The following KIAA1217 variants were observed in gnomAD, a reference collection of about 807,000 sequenced individuals.
KIAA1217 encodes the protein KIAA1217.
A neutral mutation model predicts 163.9 loss-of-function variants in KIAA1217; 88 were observed. The observed-to-expected ratio is 0.54, with a 90% confidence interval of 0.45 to 0.64. KIAA1217 has a LOEUF of 0.64. KIAA1217 is among the 30% of genes least tolerant of loss of function. The pLI is 0.00. For synonymous variants in KIAA1217, 903 were observed against 923.1 expected (o/e 0.98, Z 0.39); for missense variants, 2,372 against 2,475.0 (o/e 0.96, Z 0.88).
chr10:24,114,070 A>G (rs1326701255), intron 2 of KIAA1217, among the ~76,000 whole-genome samples: 1 of 152,136 alleles, frequency 6.6e-6, no homozygotes, highest in African/African-American at 2.4e-5. Flanking sequence ...AGGGATCAAC[A>G]TGGATGCATC....
At chr10:24,061,290 T>G (rs2060712917) in intron 2 of KIAA1217, among the ~76,000 whole-genome samples, 1 of 151,930 alleles carries the variant, frequency 6.6e-6, no homozygotes, top group South Asian at 2.1e-4. Flanking sequence ...TTACTTCTTC[T>G]CCCCTCACAA....
intron 2 of KIAA1217, among the ~76,000 whole-genome samples, chr10:24,162,419 G>C (rs2065161506): frequency 1.3e-5 from 2 of 152,184 alleles, no homozygotes; most frequent in Non-Finnish European, 2.9e-5. Flanking sequence ...GGCGTTGTTG[G>C]CATTTGGCAG....
At chr10:24,063,161 A>G (rs2060799194) in intron 2 of KIAA1217, among the ~76,000 whole-genome samples, 1 of 151,968 alleles carries the variant, frequency 6.6e-6, no homozygotes, top group Non-Finnish European at 1.5e-5. Context: ...CCATTTGTCA[A>G]TTTTGGCTTT....
intron 11 of KIAA1217, 120 bp from the exon 12 acceptor site, chr10:24,521,662 T>C: frequency 1.7e-6 from 2 of 1,202,198 alleles, no homozygotes; most frequent in Non-Finnish European, 2.3e-6. Context: ...CACCTGAAGA[T>C]GTGTGAGCCA....
At chr10:24,302,198 C>T (rs2041445472) in intron 2 of KIAA1217, among the ~76,000 whole-genome samples, 1 of 152,178 alleles carries the variant, frequency 6.6e-6, no homozygotes, top group African/African-American at 2.4e-5. Context: ...ACTTAGCACC[C>T]TCCACCTAGC....
intron 2 of KIAA1217, among the ~76,000 whole-genome samples, chr10:24,235,279 T>A (rs2072072536): frequency 6.6e-6 from 1 of 152,358 alleles, no homozygotes; most frequent in East Asian, 1.9e-4. Context: ...AGTTGAAACA[T>A]GAAATTAACC....
chr10:24,093,512 C>T (rs2062022036), intron 2 of KIAA1217, among the ~76,000 whole-genome samples: 1 of 151,692 alleles, frequency 6.6e-6, no homozygotes, highest in Admixed American at 6.6e-5. Context: ...CTATGTTGCC[C>T]AAGCTGGTCT....
rs117101539 is a variant in KIAA1217 at position 24,150,508 on chromosome 10, C to T, written c.-170-69118C>T. Among the ~76,000 whole-genome samples the T allele has an allele frequency of 6.6e-4, 100 of 152,302 alleles. 2 individuals carry two copies. In the East Asian group the frequency reaches 0.012, roughly 18 times the overall value. On this transcript the variant is annotated intron_variant, in intron 2 of 18. Coordinates refer to the KIAA1217 transcript ENST00000376462. ...CAGAAGGGTTTGTTTTGAAGCCATC[C>T]TGGAGGAGTCCTGATTTCCAAGCCT...
At chr10:23,954,751 T>C (rs903401027) in intron 1 of KIAA1217, among the ~76,000 whole-genome samples, 1 of 152,128 alleles carries the variant, frequency 6.6e-6, no homozygotes, top group Admixed American at 6.5e-5. Flanking sequence ...GGAGCAAACT[T>C]GCAAGGTGAG....
intron 1 of KIAA1217, among the ~76,000 whole-genome samples, chr10:23,696,801 T>A (rs960724836): frequency 6.6e-6 from 1 of 152,216 alleles, no homozygotes; most frequent in African/African-American, 2.4e-5. Flanking sequence ...GGCGGGATAC[T>A]GTCATTCATC....
intron 2 of KIAA1217, among the ~76,000 whole-genome samples, chr10:24,303,172 C>A (rs1226658345): frequency 6.6e-6 from 1 of 152,008 alleles, no homozygotes. Context: ...CACCACCAAG[C>A]CCAGTTAATT....
At chr10:23,881,751 C>T (rs998203482) in intron 1 of KIAA1217, among the ~76,000 whole-genome samples, 1 of 151,894 alleles carries the variant, frequency 6.6e-6, no homozygotes, top group African/African-American at 2.4e-5. Context: ...ATATGTTGCT[C>T]CATGCCTACC....
At chr10:23,882,742 G>T (rs1451373866) in intron 1 of KIAA1217, among the ~76,000 whole-genome samples, 2 of 151,900 alleles carry the variant, frequency 1.3e-5, no homozygotes, top group African/African-American at 4.8e-5. Flanking sequence ...TTAAGTACAG[G>T]AATGTCTCCT....
chr10:24,064,535 C>G (rs569588664), intron 2 of KIAA1217, among the ~76,000 whole-genome samples: 6 of 152,090 alleles, frequency 3.9e-5, no homozygotes, highest in African/African-American at 1.4e-4. Flanking sequence ...TTGCTGGATT[C>G]GGTTTGCCAG....
chr10:24,429,962 G>A lies in KIAA1217; in HGVS notation c.554-3033G>A, dbSNP rs139270222. On this transcript the variant is annotated intron_variant, in intron 3 of 20. Transcript: ENST00000376454. Reference sequence around the variant, plus strand: ...GTTTAAAACCAGCCTAGGCAACATGGCAAAACCCCATCACTAAAAAAAATA... The same window carrying A: ...GTTTAAAACCAGCCTAGGCAACATGACAAAACCCCATCACTAAAAAAAATA... Among the ~76,000 whole-genome samples the A allele has an allele frequency of 4.7e-3, 712 of 152,152 alleles. 4 individuals are homozygous for A. Among genetic ancestry groups the A allele is most frequent in the Non-Finnish European group, 8.1e-3 (551 of 67,992 alleles).
chr10:23,725,536 T>G (rs1304931167), intron 1 of KIAA1217, among the ~76,000 whole-genome samples: 1 of 152,216 alleles, frequency 6.6e-6, no homozygotes, highest in Admixed American at 6.5e-5. Context: ...ATGATTGCAT[T>G]CATGTATCAG....
At chr10:24,018,134 T>C (rs1254258766) in intron 2 of KIAA1217, among the ~76,000 whole-genome samples, 3 of 151,402 alleles carry the variant, frequency 2.0e-5, no homozygotes, top group Non-Finnish European at 4.4e-5. Context: ...CCAAGCTTCA[T>C]ATTAAAAAAA....
chr10:24,491,937 T>C (rs1374324476), intron 6 of KIAA1217, among the ~76,000 whole-genome samples: 3 of 152,190 alleles, frequency 2.0e-5, no homozygotes, highest in African/African-American at 7.2e-5. Context: ...TTACCTTTTT[T>C]TTTTTCTTAA....
intron 6 of KIAA1217, among the ~76,000 whole-genome samples, chr10:24,480,524 G>T (rs7082528): frequency 0.092 from 14,034 of 152,218 alleles, 939 homozygotes; most frequent in East Asian, 0.16. Flanking sequence ...ACCGAATCTT[G>T]CTCTGCCTCC....
Sources: allele counts gnomAD v4.1 joint callset (sites outside exome capture counted in the v4.1 genomes callset), GRCh38; gene constraint gnomAD v4.1.1; transcripts MANE v1.5; gene names NCBI Gene and HGNC (gene_info 2026-07-23, HGNC 2026-07-21).